ATG13: variants seen among roughly 807,000 people sequenced by gnomAD.
ATG13 encodes autophagy related 13, also known as autophagy-related protein 13.
In ATG13, 23 loss-of-function variants were observed where a neutral mutation model predicts 65.5. That is an observed-to-expected ratio of 0.35 (90% CI 0.25 to 0.50). The LOEUF is 0.50. Ranked by LOEUF, ATG13 falls within the 20% of genes least tolerant of loss-of-function variation. The pLI, the probability that ATG13 is intolerant of heterozygous loss-of-function variation, is 0.98. For missense variants in ATG13, 566 were observed against 677.0 expected, an observed-to-expected ratio of 0.84 and a Z score of 1.82; for synonymous variants, 252 against 245.2, an observed-to-expected ratio of 1.03 and a Z score of -0.26.
intron 1 of ATG13, among the ~76,000 whole-genome samples, chr11:46,624,488 ATT>A (rs71644284): frequency 2.1e-4 from 30 of 145,618 alleles, no homozygotes; most frequent in Middle Eastern, 7.1e-3. Flanking sequence ...GGATCTTCAG[ATT>A]TTTTTTTTTT....
chr11:46,658,828 A>C (rs1315685168), intron 10 of ATG13, among the ~76,000 whole-genome samples: 1 of 152,066 alleles, frequency 6.6e-6, no homozygotes, highest in Admixed American at 6.6e-5. Flanking sequence ...GAGTGAGTCT[A>C]CCAATTTAGA....
chr11:46,672,904 G>A lies in ATG13; in HGVS notation c.*572G>A, dbSNP rs184820797. 5.3e-6 allele frequency: 5 copies of A among 950,516 alleles called. No homozygotes were observed. The East Asian group carries it at 3.2e-4, about 62-fold the overall frequency. 58.9% of individuals were successfully genotyped at this position (950,516 alleles called of 1,614,324 possible). A position where few individuals can be genotyped will look rare whatever the true frequency, so the allele number is the denominator to read the frequency against. On this transcript the variant is annotated 3_prime_UTR_variant, in exon 19 of 19. Transcript: ENST00000683050. ...TCTATGCCTGTATTTCTGGCAATAT[G>A]ACAGGCCTGCCTACCCAAGATCAGA...
chr11:46,642,963 T>G (rs1318508419), intron 2 of ATG13, among the ~76,000 whole-genome samples: 1 of 152,210 alleles, frequency 6.6e-6, no homozygotes, highest in Non-Finnish European at 1.5e-5. Context: ...GAAAGAGACT[T>G]TATCCCAGTG....
chr11:46,617,624 A>G lies in ATG13; in HGVS notation c.-336A>G. The G allele has an allele frequency of 4.4e-6, 1 of 224,762 alleles. No homozygotes were observed. The highest frequency in any genetic ancestry group is 8.0e-5 in the East Asian group (1 of 12,482). 13.9% of individuals were successfully genotyped at this position (224,762 alleles called of 1,614,324 possible). On this transcript the variant is annotated 5_prime_UTR_variant, in exon 1 of 19. Transcript: ENST00000683050. ...CGGGAAGCGACCGGCTGCTGGGCTT[A>G]AGGCGGGAGTGACCGCTTAACCAGT... is the stretch of plus-strand genomic sequence containing the variant.
Position 46,672,821 on chromosome 11 carries a change from T to C in ATG13, c.*489T>C. On this transcript the variant is annotated 3_prime_UTR_variant, in exon 19 of 19. Coordinates refer to ENST00000683050, the MANE Select transcript of ATG13 (RefSeq NM_001346311.2). ...GAAGAAGGAAGGAGTCCCTTAGCTC[T>C]CTTCATTGTCCCCTTTACTTCCTGC... 1 of 1,280,452 alleles carries C rather than the reference T, an allele frequency of 7.8e-7. No homozygotes were observed. Among genetic ancestry groups the C allele is most frequent in the Admixed American group, 2.4e-5 (1 of 41,960 alleles). The allele number at this position is 1,280,452 out of a possible 1,614,324, so 79.3% of individuals were successfully genotyped here. A position where few individuals can be genotyped will look rare whatever the true frequency, so the allele number is the denominator to read the frequency against.
intron 14 of ATG13, among the ~76,000 whole-genome samples, chr11:46,665,797 C>CTTTTTTTTTTTTTT (rs1159523560): frequency 1.1e-5 from 1 of 87,776 alleles, no homozygotes; most frequent in Non-Finnish European, 2.1e-5. Context: ...TTTATTTTTC[C>CTTTTTTTTTTTTTT]TTTTTTTTTT....
intron 1 of ATG13, among the ~76,000 whole-genome samples, chr11:46,618,959 A>G (rs754756161): frequency 6.6e-6 from 1 of 152,284 alleles, no homozygotes; most frequent in East Asian, 1.9e-4. Flanking sequence ...TTGGAGTTAC[A>G]TGCATAAGCC....
At position 46,672,651 on chromosome 11, in the gene ATG13, C is replaced by T. The variant is rs1369025091; in HGVS notation, c.*319C>T. ...TGCTTCCCAAGGGTGTCATCCTGTT[C>T]CTCCTGCTGCCGGCCTCCTGCCTGG... On this transcript the variant is annotated 3_prime_UTR_variant, in exon 19 of 19. Transcript: ENST00000683050. 7.2e-7 allele frequency: 1 copy of T among 1,384,604 alleles called. No homozygotes were observed. Among genetic ancestry groups the T allele is most frequent in the East Asian group, 4.0e-5 (1 of 24,894 alleles). 85.8% of individuals were successfully genotyped at this position (1,384,604 alleles called of 1,614,324 possible).
chr11:46,659,270 A>G (rs2060655127), intron 10 of ATG13, 122 bp from the exon 11 acceptor site: 1 of 703,064 alleles, frequency 1.4e-6, no homozygotes, highest in Non-Finnish European at 2.4e-6. Context: ...CTTTCTTGCC[A>G]GTACGAACTG....
At chr11:46,643,345 C>T (rs2056661457) in intron 2 of ATG13, among the ~76,000 whole-genome samples, 1 of 152,138 alleles carries the variant, frequency 6.6e-6, no homozygotes, top group African/African-American at 2.4e-5. Flanking sequence ...GAGTACATGA[C>T]TACTTGGTCC....
Position 46,672,254 on chromosome 11 carries a change from G to A in ATG13, c.1576-1G>A. ...GGCTCTTCCCTCTCTTTCCGGTACAGGACTCATTACCAGAGAAGCTGGCTG... is the reference window on the plus strand; with the variant it reads ...GGCTCTTCCCTCTCTTTCCGGTACAAGACTCATTACCAGAGAAGCTGGCTG... On this transcript the variant is annotated splice_acceptor_variant, in intron 18 of 18. Coordinates refer to ENST00000683050, the MANE Select transcript of ATG13 (RefSeq NM_001346311.2). LOFTEE classifies it high-confidence loss of function. 6.2e-7 allele frequency: 1 copy of A among 1,614,200 alleles called. No homozygotes were observed. Among genetic ancestry groups the A allele is most frequent in the Non-Finnish European group, 8.5e-7 (1 of 1,180,018 alleles).
intron 2 of ATG13, among the ~76,000 whole-genome samples, chr11:46,633,199 A>G (rs2052601226): frequency 7.1e-6 from 1 of 141,550 alleles, no homozygotes; most frequent in African/African-American, 2.6e-5. Context: ...TAATTTTTGT[A>G]TATTTTGGTG....
intron 7 of ATG13, among the ~76,000 whole-genome samples, chr11:46,653,067 G>A (rs2059241646): frequency 6.6e-6 from 1 of 151,764 alleles, no homozygotes; most frequent in Admixed American, 6.6e-5. Context: ...TTACCATTTG[G>A]TCCTTTACAG....
chr11:46,665,048 A>G (rs2061998143), intron 13 of ATG13, 89 bp downstream of exon 13: 14 of 1,280,140 alleles, frequency 1.1e-5, no homozygotes, highest in Non-Finnish European at 1.0e-5. Flanking sequence ...GCAGAGGGAT[A>G]TGTTCTAAGT....
intron 2 of ATG13, among the ~76,000 whole-genome samples, chr11:46,636,892 C>T (rs1000029630): frequency 6.6e-6 from 1 of 152,058 alleles, no homozygotes; most frequent in African/African-American, 2.4e-5. Context: ...CACGCCTCAG[C>T]TAATTTTTGT....
Position 46,673,883 on chromosome 11 carries a change from A to G in ATG13, c.*1551A>G, listed in dbSNP as rs1333582730. ...AGGTGGTTCTCAGCTGCTTGTTAGT[A>G]TACTGCATGTGACACTGTTCCCACA... On this transcript the variant is annotated 3_prime_UTR_variant, in exon 19 of 19. Transcript: ENST00000683050. 5 of 152,170 alleles carry G rather than the reference A, an allele frequency of 3.3e-5. No homozygotes were observed. Among genetic ancestry groups the G allele is most frequent in the African/African-American group, 1.2e-4 (5 of 41,434 alleles). 9.4% of individuals were successfully genotyped at this position (152,170 alleles called of 1,614,324 possible).
At chr11:46,651,504 T>A (rs997295031) in intron 7 of ATG13, among the ~76,000 whole-genome samples, 1 of 152,176 alleles carries the variant, frequency 6.6e-6, no homozygotes, top group Non-Finnish European at 1.5e-5. Flanking sequence ...TAGCAAAGTG[T>A]GAGAGAAGAG....
intron 4 of ATG13, 150 bp from the exon 5 acceptor site, chr11:46,645,720 G>A (rs2057348336): frequency 1.7e-6 from 2 of 1,157,238 alleles, no homozygotes; most frequent in Non-Finnish European, 2.4e-6. Flanking sequence ...GGGCTTTGAT[G>A]CAGGATTATC....
At chr11:46,631,347 G>C (rs1265036594) in intron 2 of ATG13, among the ~76,000 whole-genome samples, 1 of 152,144 alleles carries the variant, frequency 6.6e-6, no homozygotes, top group Non-Finnish European at 1.5e-5. Flanking sequence ...GGACCACCAA[G>C]CTGGCCTATT....
Sources: allele counts gnomAD v4.1 joint callset (sites outside exome capture counted in the v4.1 genomes callset), GRCh38; gene constraint gnomAD v4.1.1; transcripts MANE v1.5; gene names NCBI Gene and HGNC (gene_info 2026-07-23, HGNC 2026-07-21).